Variants in YME1L1 observed in about 807,000 individuals in gnomAD.
YME1L1 encodes the protein ATP-dependent zinc metalloprotease YME1L1.
In YME1L1, 39 loss-of-function variants were observed where a neutral mutation model predicts 90.4. The observed-to-expected ratio is 0.43, with a 90% CI of 0.33 to 0.56. YME1L1 has a LOEUF of 0.56. YME1L1 is among the 20% of genes least tolerant of loss of function. The pLI is 0.03. For synonymous variants in YME1L1, 284 were observed against 287.3 expected (o/e 0.99, Z 0.12); for missense variants, 617 against 868.4 (o/e 0.71, Z 3.64).
In YME1L1 at chr10:27,145,605, G is replaced by A. The variant is rs988943442; in HGVS notation, c.169-15C>T. The A allele has an allele frequency of 1.2e-6, 2 of 1,604,036 alleles. No individual in the cohort carries two copies. Among genetic ancestry groups the A allele is most frequent in the African/African-American group, 2.7e-5 (2 of 74,694 alleles). Reference sequence around the variant, plus strand: ...TTAAGTGAAGGCTGTAAAAGATTGGGTCAACCAGGTATGCATTAATATTAT... The same window carrying A: ...TTAAGTGAAGGCTGTAAAAGATTGGATCAACCAGGTATGCATTAATATTAT... On this transcript the variant is annotated splice_polypyrimidine_tract_variant and intron_variant, in intron 2 of 18. Transcript: ENST00000376016.
intron 4 of YME1L1, among the ~76,000 whole-genome samples, chr10:27,139,182 C>T (rs923117507): frequency 6.6e-6 from 1 of 151,940 alleles, no homozygotes; most frequent in African/African-American, 2.4e-5. Context: ...CATTCAGACA[C>T]AGATACATAC....
intron 5 of YME1L1, among the ~76,000 whole-genome samples, chr10:27,135,517 C>T (rs573010817): frequency 1.3e-5 from 2 of 152,226 alleles, no homozygotes; most frequent in Admixed American, 1.3e-4. Flanking sequence ...ATGGAAAAGG[C>T]CTTACAGAGA....
intron 7 of YME1L1, among the ~76,000 whole-genome samples, chr10:27,132,187 A>C (rs545943658): frequency 2.6e-5 from 4 of 152,082 alleles, no homozygotes; most frequent in African/African-American, 7.2e-5. Context: ...TGCAACCTCA[A>C]CCTCCCAGGT....
intron 2 of YME1L1, among the ~76,000 whole-genome samples, chr10:27,147,901 T>C (rs558080728): frequency 9.9e-5 from 15 of 152,258 alleles, no homozygotes; most frequent in Admixed American, 7.8e-4. Context: ...CCCAGTATCC[T>C]AGAGGGCAGA....
chr10:27,142,493 G>A lies in YME1L1; in HGVS notation c.332-8C>T, dbSNP rs2057099489. On this transcript the variant is annotated splice_region_variant and splice_polypyrimidine_tract_variant and intron_variant, in intron 3 of 18. Coordinates refer to ENST00000376016, the MANE Select transcript of YME1L1 (RefSeq NM_014263.4). ...TAAATATATCTAAGTTACCTGGAGG[G>A]AAATTGCAAAAAGTAAATTTTCTAA... 1.4e-6 allele frequency: 2 copies of A among 1,386,168 alleles called. No individual in the cohort carries two copies. Among genetic ancestry groups the A allele is most frequent in the Non-Finnish European group, 1.9e-6 (2 of 1,049,044 alleles). The allele number at this position is 1,386,168 out of a possible 1,614,324, so 85.9% of individuals were successfully genotyped here.
intron 1 of YME1L1, chr10:27,153,114 C>T: frequency 2.2e-6 from 1 of 458,268 alleles, no homozygotes; most frequent in Non-Finnish European, 4.5e-6. Flanking sequence ...CTCAGGACCT[C>T]CAGGTATTTT....
chr10:27,138,338 T>C (rs1250564795), intron 4 of YME1L1, among the ~76,000 whole-genome samples: 1 of 152,158 alleles, frequency 6.6e-6, no homozygotes, highest in African/African-American at 2.4e-5. Context: ...AAGTTTAAAA[T>C]CAACTTCTCG....
At chr10:27,128,390 A>G (rs1270428039) in intron 8 of YME1L1, among the ~76,000 whole-genome samples, 1 of 152,162 alleles carries the variant, frequency 6.6e-6, no homozygotes, top group East Asian at 1.9e-4. Context: ...TGTGATGTCT[A>G]CTTTCACTAT....
At chr10:27,137,040 C>T (rs1483057619) in intron 4 of YME1L1, among the ~76,000 whole-genome samples, 1 of 146,784 alleles carries the variant, frequency 6.8e-6, no homozygotes, top group Non-Finnish European at 1.5e-5. Context: ...AAAAAAAAAC[C>T]CAACCAAGTA....
intron 2 of YME1L1, 91 bp downstream of exon 2, chr10:27,148,814 CG>C: frequency 6.6e-7 from 1 of 1,523,696 alleles, no homozygotes. Context: ...TTTTTGACTA[CG>C]GGGGAGGGAC....
intron 11 of YME1L1, among the ~76,000 whole-genome samples, chr10:27,122,150 C>A (rs12250273): frequency 0.1 from 15,186 of 152,160 alleles, 2,475 homozygotes; most frequent in African/African-American, 0.34. Flanking sequence ...GCATTACAGG[C>A]GTGAGCCACC....
At position 27,111,524 on chromosome 10, in the gene YME1L1, G is replaced by A. The variant is rs1018732436; in HGVS notation, c.*453C>T. 3.6e-5 allele frequency: 8 copies of A among 220,680 alleles called. No individual in the cohort carries two copies. Among genetic ancestry groups the A allele is most frequent in the South Asian group, 1.7e-4 (3 of 17,298 alleles). The allele number at this position is 220,680 out of a possible 1,614,324, so 13.7% of individuals were successfully genotyped here. A position where few individuals can be genotyped will look rare whatever the true frequency, so the allele number is the denominator to read the frequency against. ...GCTATATTCCTGGCTCTGTGTTTCC[G>A]AGACTGCTTTTAATCCCAACTTCTC... On this transcript the variant is annotated 3_prime_UTR_variant, in exon 19 of 19. Coordinates refer to ENST00000376016, the MANE Select transcript of YME1L1 (RefSeq NM_014263.4).
At chr10:27,116,834 A>C (rs1755401) in intron 15 of YME1L1, among the ~76,000 whole-genome samples, 136,820 of 151,966 alleles carry the variant, frequency 0.9, 61,830 homozygotes, top group East Asian at 1. Context: ...TTGAGAGTAG[A>C]CTGGGCAACA....
At chr10:27,139,325 C>T (rs754654783) in intron 4 of YME1L1, among the ~76,000 whole-genome samples, 8 of 152,034 alleles carry the variant, frequency 5.3e-5, no homozygotes, top group Non-Finnish European at 1.2e-4. Context: ...TCCCAAGTAT[C>T]CAGAACTACA....
rs2056753385 is a variant in YME1L1 at position 27,110,942 on chromosome 10, G to T, written c.*1035C>A. ...GAGTGCAGTGGCTCCTGTGATCTTG[G>T]CTCACTGCAACCTCCACCTCCTGGG... On this transcript the variant is annotated 3_prime_UTR_variant, in exon 19 of 19. Transcript: ENST00000376016. 6.6e-6 allele frequency: 1 copy of T among 151,662 alleles called. No homozygotes were observed. The highest frequency in any genetic ancestry group is 1.5e-5 in the Non-Finnish European group (1 of 67,956). 9.4% of individuals were successfully genotyped at this position (151,662 alleles called of 1,614,324 possible).
At chr10:27,116,996 A>G (rs2056820158) in intron 15 of YME1L1, among the ~76,000 whole-genome samples, 1 of 152,222 alleles carries the variant, frequency 6.6e-6, no homozygotes, top group South Asian at 2.1e-4. Flanking sequence ...AGCTCTCACT[A>G]AAGTACTTTA....
chr10:27,147,064 G>A, intron 2 of YME1L1: 1 of 303,316 alleles, frequency 3.3e-6, no homozygotes, highest in Admixed American at 4.6e-5. Flanking sequence ...CCAAGGGTCT[G>A]GAATATCTCA....
chr10:27,142,864 C>T (rs1346359707), intron 3 of YME1L1, among the ~76,000 whole-genome samples: 2 of 151,950 alleles, frequency 1.3e-5, no homozygotes, highest in Admixed American at 6.6e-5. Flanking sequence ...TACAGGCGCC[C>T]GCCACCATGC....
At position 27,112,006 on chromosome 10, in the gene YME1L1, G is replaced by T; in HGVS notation, c.2122C>A (p.Leu708Ile). 1.2e-6 allele frequency: 2 copies of T among 1,613,968 alleles called. No individual in the cohort carries two copies. Among genetic ancestry groups the T allele is most frequent in the Middle Eastern group, 3.3e-4 (2 of 6,060 alleles). The part of the protein sequence containing the change: ...TLDAKEIQIV[L>I]EGKKLEVR The stretch of plus-strand genomic sequence containing the variant: ...CTCACTTCCAACTTTTTCCCCTCAA[G>T]AACAATTTGAATCTCTTTGGCATCC... The change falls in exon 19 of 19, where the codon CTT becomes ATT. Residue 708 changes from leucine to isoleucine, a missense_variant. By Grantham distance (5) the Leu-to-Ile change is conservative (BLOSUM62 2). Around this residue, in one of 4 missense-constraint regions of YME1L1, gnomAD observed 212 missense variants for 330.0 expected, o/e 0.64. Transcript: ENST00000376016.
Sources: allele counts gnomAD v4.1 joint callset (sites outside exome capture counted in the v4.1 genomes callset), GRCh38; gene constraint gnomAD v4.1.1; regional missense constraint gnomAD v4.1.1; transcripts MANE v1.5; gene names NCBI Gene and HGNC (gene_info 2026-07-23, HGNC 2026-07-21).